Variants in PDE5A observed in about 807,000 individuals in gnomAD.
PDE5A encodes the protein phosphodiesterase 5A.
PDE5A carries 67 observed loss-of-function variants against 110.2 expected under a neutral mutation model. The ratio of observed to expected loss-of-function variants is 0.61; its 90% CI spans 0.50 to 0.75. The LOEUF is 0.75. PDE5A is among the 30% of genes least tolerant of loss of function. PDE5A has a pLI of 0.00. For synonymous variants in PDE5A, 328 were observed against 351.2 expected (o/e 0.93, Z 0.74); for missense variants, 862 against 1,045.1 (o/e 0.82, Z 2.42).
rs1006531252 is a variant in PDE5A, at chr4:119,497,599, G to A, written c.*1002C>T. The A allele has an allele frequency of 2.0e-5, 3 of 152,120 alleles. No individual in the cohort carries two copies. The highest frequency in any genetic ancestry group is 3.8e-4 in the East Asian group (2 of 5,196). The allele number at this position is 152,120 out of a possible 1,614,324, so 9.4% of individuals were successfully genotyped here. ...TCCCTCAAATTCATTTTTGACCCTA[G>A]TATTGGCAATAGCCCTTTGCTATTT... On this transcript the variant is annotated 3_prime_UTR_variant, in exon 21 of 21. Transcript: ENST00000354960.
intron 1 of PDE5A, among the ~76,000 whole-genome samples, chr4:119,625,588 T>C (rs1023330784): frequency 7.9e-5 from 12 of 152,214 alleles, no homozygotes; most frequent in African/African-American, 2.9e-4. Flanking sequence ...TGAATATAAA[T>C]ATATTTTAAA....
intron 1 of PDE5A, among the ~76,000 whole-genome samples, chr4:119,616,089 C>G (rs1172905902): frequency 6.6e-6 from 1 of 151,972 alleles, no homozygotes; most frequent in African/African-American, 2.4e-5. Context: ...TATTACATAC[C>G]CTTTTAACAA....
chr4:119,499,925 T>C (rs1438429907), intron 20 of PDE5A: 7 of 152,072 alleles, frequency 4.6e-5, no homozygotes, highest in Non-Finnish European at 7.4e-5. Context: ...CAGTATCACA[T>C]AGAATTTTCA....
chr4:119,598,025 T>G (rs1275526299), intron 2 of PDE5A, among the ~76,000 whole-genome samples: 4 of 152,130 alleles, frequency 2.6e-5, no homozygotes, highest in African/African-American at 4.8e-5. Flanking sequence ...CTTTAGATAT[T>G]GTCTAAAGAA....
chr4:119,615,628 A>G (rs201290349), intron 1 of PDE5A, among the ~76,000 whole-genome samples: 33 of 139,728 alleles, frequency 2.4e-4, no homozygotes, highest in Admixed American at 8.0e-4. Context: ...AAAAAAAAAA[A>G]GAAAAAAAAA....
intron 3 of PDE5A, among the ~76,000 whole-genome samples, chr4:119,577,541 T>C (rs1211747630): frequency 6.6e-6 from 1 of 152,102 alleles, no homozygotes; most frequent in East Asian, 1.9e-4. Flanking sequence ...CATATGCAAA[T>C]CAATAAACAT....
At chr4:119,526,558 G>A (rs987082997) in intron 11 of PDE5A, among the ~76,000 whole-genome samples, 4 of 152,096 alleles carry the variant, frequency 2.6e-5, no homozygotes, top group Non-Finnish European at 4.4e-5. Flanking sequence ...CTGGACCAAC[G>A]GAGGCCTTTA....
intron 1 of PDE5A, among the ~76,000 whole-genome samples, chr4:119,620,253 T>C (rs1019682686): frequency 2.0e-5 from 3 of 152,098 alleles, no homozygotes; most frequent in African/African-American, 7.2e-5. Context: ...TTACAGTGAG[T>C]AGTTCGCTTG....
intron 11 of PDE5A, among the ~76,000 whole-genome samples, chr4:119,532,002 T>C (rs1399762352): frequency 2.0e-5 from 3 of 152,174 alleles, no homozygotes; most frequent in Non-Finnish European, 2.9e-5. Flanking sequence ...TATCACCAGT[T>C]TGTAGGCTGT....
chr4:119,550,184 C>A (rs1334427036), intron 9 of PDE5A: 3 of 152,136 alleles, frequency 2.0e-5, no homozygotes, highest in African/African-American at 7.2e-5. Context: ...TACTTGAGAA[C>A]CTCCCTTCAC....
chr4:119,576,429 A>C (rs545165376), intron 3 of PDE5A, among the ~76,000 whole-genome samples: 1 of 152,328 alleles, frequency 6.6e-6, no homozygotes, highest in African/African-American at 2.4e-5. Flanking sequence ...TTGACCACAT[A>C]GTTGGAAGTA....
intron 2 of PDE5A, 75 bp downstream of exon 2, chr4:119,606,634 G>A (rs1729538122): frequency 3.2e-6 from 3 of 939,610 alleles, no homozygotes; most frequent in Non-Finnish European, 3.3e-6. Context: ...GCTATCCAAT[G>A]CCCCAGCCAT....
At chr4:119,601,007 G>C (rs1427177562) in intron 2 of PDE5A, among the ~76,000 whole-genome samples, 1 of 152,112 alleles carries the variant, frequency 6.6e-6, no homozygotes, top group Non-Finnish European at 1.5e-5. Context: ...CACTACGAAG[G>C]TGTGTGGTAC....
intron 5 of PDE5A, among the ~76,000 whole-genome samples, chr4:119,563,456 C>A (rs887580919): frequency 2.0e-5 from 3 of 152,020 alleles, no homozygotes; most frequent in African/African-American, 7.2e-5. Flanking sequence ...TAAGAATTTC[C>A]TTTGTGTTTT....
At chr4:119,615,116 T>C (rs949808523) in intron 1 of PDE5A, among the ~76,000 whole-genome samples, 3 of 152,178 alleles carry the variant, frequency 2.0e-5, no homozygotes, top group African/African-American at 7.2e-5. Flanking sequence ...AAAAATGGGC[T>C]GCTGTATTAA....
intron 1 of PDE5A, among the ~76,000 whole-genome samples, chr4:119,624,768 G>A (rs1323806462): frequency 6.6e-6 from 1 of 152,152 alleles, no homozygotes. Flanking sequence ...CAGCTGTTAA[G>A]CAGCATTAGC....
At chr4:119,526,027 AAATTTAT>A (rs1471839051) in intron 11 of PDE5A, among the ~76,000 whole-genome samples, 8 of 152,140 alleles carry the variant, frequency 5.3e-5, no homozygotes, top group Non-Finnish European at 1.2e-4. Context: ...CACTCAAAAG[AAATTTAT>A]AATTTATTGA....
intron 14 of PDE5A, 52 bp downstream of exon 14, chr4:119,518,993 C>T (rs1726015268): frequency 3.1e-6 from 4 of 1,283,876 alleles, no homozygotes; most frequent in Non-Finnish European, 4.5e-6. Context: ...TAAAAAAAGA[C>T]AGCCCTACAA....
chr4:119,498,845 C>A, intron 20 of PDE5A, 107 bp from the exon 21 acceptor site: 1 of 1,176,938 alleles, frequency 8.5e-7, no homozygotes, highest in East Asian at 2.4e-5. Flanking sequence ...CATAAGCAGA[C>A]TCACTGTTGA....
Sources: gnomAD v4.1 joint callset for allele counts (sites outside exome capture counted in the v4.1 genomes callset) on GRCh38, gnomAD v4.1.1 for gene constraint, MANE v1.5 for transcripts, NCBI Gene and HGNC (gene_info 2026-07-23, HGNC 2026-07-21) for gene names.